The following TMEM185A variants were observed in gnomAD, a reference collection of about 807,000 sequenced individuals.
TMEM185A encodes family with sequence similarity 11, member A.
TMEM185A carries 9 observed loss-of-function variants against 25.0 expected under a neutral mutation model. The ratio of observed to expected loss-of-function variants is 0.36; its 90% CI spans 0.22 to 0.63. The LOEUF (loss-of-function observed/expected upper bound fraction) is 0.63, where lower values mean the gene tolerates loss of function less well. TMEM185A is among the 20% of genes least tolerant of loss of function. The pLI is 0.68. For synonymous variants in TMEM185A, 45 were observed against 93.5 expected (o/e 0.48, Z 2.99); for missense variants, 103 against 237.4 (o/e 0.43, Z 3.72).
At chrX:149,607,789 G>C (rs1213387999) in intron 3 of TMEM185A, among the ~76,000 whole-genome samples, 1 of 111,870 alleles carries the variant, frequency 8.9e-6, no homozygotes, top group Non-Finnish European at 1.9e-5. Flanking sequence ...TCAGTTTTGA[G>C]TGTCAACTTG....
At position 149,608,913 on chromosome X, in the gene TMEM185A, C is replaced by T. The variant is rs144782295; in HGVS notation, c.216-79G>A. 1,817 of 854,394 alleles carry T rather than the reference C, an allele frequency of 2.1e-3. 25 individuals are homozygous for T. The African/African-American group carries it at 0.034, about 16-fold the overall frequency. The allele number at this position is 854,394 out of a possible 1,213,427, so 70.4% of individuals were successfully genotyped here. On this transcript the variant is annotated intron_variant, in intron 2 of 6. Coordinates refer to ENST00000600449, the MANE Select transcript of TMEM185A (RefSeq NM_032508.4). Reference sequence around the variant, plus strand: ...GCAAGCAGTTCAGGGCAAATACCAACTTATATTTATACTTTGAATTTTACT... The same window carrying T: ...GCAAGCAGTTCAGGGCAAATACCAATTTATATTTATACTTTGAATTTTACT...
chrX:149,618,713 T>C (rs1364575120), intron 1 of TMEM185A, among the ~76,000 whole-genome samples: 1 of 111,964 alleles, frequency 8.9e-6, no homozygotes, highest in African/African-American at 3.2e-5. Context: ...TCAAAAAATA[T>C]CTACTCTTCG....
At chrX:149,626,658 C>T (rs1188499422) in intron 1 of TMEM185A, among the ~76,000 whole-genome samples, 2 of 112,353 alleles carry the variant, frequency 1.8e-5, no homozygotes, top group Admixed American at 9.3e-5. Flanking sequence ...ACGGAGGACC[C>T]GCACCAGCGC....
At chrX:149,617,963 GAAAGGGCA>G (rs782088554) in intron 1 of TMEM185A, among the ~76,000 whole-genome samples, 1 of 111,876 alleles carries the variant, frequency 8.9e-6, no homozygotes, top group South Asian at 3.8e-4. Flanking sequence ...TGACATTCTG[GAAAGGGCA>G]AAACTCTAGA....
chrX:149,627,763 G>A (rs782618466), intron 1 of TMEM185A, among the ~76,000 whole-genome samples: 15 of 112,035 alleles, frequency 1.3e-4, no homozygotes, highest in Admixed American at 4.7e-4. Flanking sequence ...CTAGGCTTAC[G>A]CATTGAGAGG....
At position 149,631,738 on chromosome X, in the gene TMEM185A, C is replaced by CCGT. The variant is rs1371008130; in HGVS notation, c.-159_-158insACG. On this transcript the variant is annotated 5_prime_UTR_variant, in exon 1 of 7. Coordinates refer to ENST00000600449, the MANE Select transcript of TMEM185A (RefSeq NM_032508.4). ...CCCGCTGCCGTCGCCGTCGCCGTCGCCGCCGCCGCCGCCGCCGCCGCCGCC... is the reference window on the plus strand; with the variant it reads ...CCCGCTGCCGTCGCCGTCGCCGTCGCCGTCGCCGCCGCCGCCGCCGCCGCCGCC... 4.5e-3 allele frequency: 60 copies of CCGT among 13,276 alleles called. No homozygotes were observed. The highest frequency in any genetic ancestry group is 8.4e-3 in the African/African-American group (4 of 475). The allele number at this position is 13,276 out of a possible 1,213,427, so 1.1% of individuals were successfully genotyped here. A position where few individuals can be genotyped will look rare whatever the true frequency, so the allele number is the denominator to read the frequency against.
chrX:149,624,406 A>T (rs1286792923), intron 1 of TMEM185A, among the ~76,000 whole-genome samples: 3 of 112,249 alleles, frequency 2.7e-5, no homozygotes, highest in Non-Finnish European at 5.6e-5. Context: ...AGGAATGATG[A>T]CTCTGAATGT....
intron 3 of TMEM185A, among the ~76,000 whole-genome samples, chrX:149,604,899 G>C (rs901776384): frequency 3.6e-5 from 4 of 111,241 alleles, no homozygotes; most frequent in Non-Finnish European, 7.5e-5. Flanking sequence ...CCACCATACA[G>C]TCTTGGAGCC....
intron 1 of TMEM185A, among the ~76,000 whole-genome samples, chrX:149,629,014 G>T (rs1298213843): frequency 1.8e-5 from 2 of 111,957 alleles, no homozygotes; most frequent in Non-Finnish European, 3.8e-5. Context: ...AAAGTTTAGT[G>T]GGGGAGGCAG....
At position 149,631,718 on chromosome X, in the gene TMEM185A, T is replaced by TGCCGTC. The variant is rs1249418430; in HGVS notation, c.-144_-139dup. 5.8e-3 allele frequency: 3,455 copies of TGCCGTC among 592,920 alleles called. 53 individuals are homozygous for TGCCGTC. The highest frequency in any genetic ancestry group is 5.7e-3 in the Non-Finnish European group (2,495 of 436,503). The allele number at this position is 592,920 out of a possible 1,213,427, so 48.9% of individuals were successfully genotyped here. ...CTCCCGCTACTGCTGCCGTCCCCGCTGCCGTCGCCGTCGCCGTCGCCGCCG... is the reference window on the plus strand; with the variant it reads ...CTCCCGCTACTGCTGCCGTCCCCGCTGCCGTCGCCGTCGCCGTCGCCGTCGCCGCCG... On this transcript the variant is annotated 5_prime_UTR_variant, in exon 1 of 7. Coordinates refer to ENST00000600449, the MANE Select transcript of TMEM185A (RefSeq NM_032508.4).
chrX:149,607,978 T>C (rs1569560978), intron 3 of TMEM185A, among the ~76,000 whole-genome samples: 1 of 112,082 alleles, frequency 8.9e-6, no homozygotes. Context: ...GTGCCAGGAC[T>C]GCAGTGTCAA....
chrX:149,618,103 T>C (rs2090119815), intron 1 of TMEM185A, among the ~76,000 whole-genome samples: 1 of 111,380 alleles, frequency 9.0e-6, no homozygotes. Context: ...TCTAATTGAG[T>C]ATTATACTAT....
rs868972683 is a variant in TMEM185A, at chrX:149,631,543, C to T, written c.38G>A (p.Ser13Asn). The T allele has an allele frequency of 8.6e-7, 1 of 1,167,646 alleles. No individual in the cohort carries two copies. The highest frequency in any genetic ancestry group is 3.3e-5 in the East Asian group (1 of 30,652). ...LRGLFQDFNP[S>N]KFLIYACLLL... ...GGGGGCGCCAACGACGCCGCCTCAC[C>T]TCGGGTTGAAGTCCTGGAAGAGGCC... Residue 13 changes from serine to asparagine, a missense_variant and splice_region_variant, in exon 1 of 7, where the codon AGT (serine) becomes AAT (asparagine). Physicochemically the swap from Ser to Asn is conservative, Grantham distance 46 (BLOSUM62 1). Around this residue, in one of 2 missense-constraint regions of TMEM185A, gnomAD observed 102 missense variants for 125.7 expected, o/e 0.81. Coordinates refer to ENST00000600449, the MANE Select transcript of TMEM185A (RefSeq NM_032508.4).
intron 3 of TMEM185A, among the ~76,000 whole-genome samples, chrX:149,604,312 C>A (rs1225678049): frequency 8.9e-6 from 1 of 112,603 alleles, no homozygotes; most frequent in Non-Finnish European, 1.9e-5. Context: ...GGCCTGAGGC[C>A]TGAGCACAGA....
chrX:149,607,422 G>A (rs1557353708), intron 3 of TMEM185A, among the ~76,000 whole-genome samples: 1 of 112,195 alleles, frequency 8.9e-6, no homozygotes, highest in African/African-American at 3.2e-5. Flanking sequence ...TGACTCAAAC[G>A]GAATCCTGGT....
chrX:149,605,871 A>G (rs782411506), intron 3 of TMEM185A, among the ~76,000 whole-genome samples: 47 of 111,564 alleles, frequency 4.2e-4, no homozygotes, highest in Non-Finnish European at 8.9e-4. Context: ...CTTGCCCACA[A>G]AATTGAAATC....
Position 149,631,676 on chromosome X carries a change from C to A in TMEM185A, c.-96G>T. 1 of 889,504 alleles carries A rather than the reference C, an allele frequency of 1.1e-6. No homozygotes were observed. Among genetic ancestry groups the A allele is most frequent in the Non-Finnish European group, 1.5e-6 (1 of 658,781 alleles). 73.3% of individuals were successfully genotyped at this position (889,504 alleles called of 1,213,427 possible). ...AGCGGGTTCATGGCGCCAGCGCCAG[C>A]CGCGTCCACGCTGCTGCTCCCGCTA... On this transcript the variant is annotated 5_prime_UTR_variant, in exon 1 of 7. Coordinates refer to ENST00000600449, the MANE Select transcript of TMEM185A (RefSeq NM_032508.4).
intron 1 of TMEM185A, among the ~76,000 whole-genome samples, chrX:149,622,173 A>G (rs2090142554): frequency 8.9e-6 from 1 of 112,703 alleles, no homozygotes; most frequent in Non-Finnish European, 1.9e-5. Flanking sequence ...TGAAGACAAG[A>G]GCAACAATTT....
chrX:149,626,929 G>T (rs782427328), intron 1 of TMEM185A, among the ~76,000 whole-genome samples: 57 of 112,261 alleles, frequency 5.1e-4, no homozygotes, highest in African/African-American at 1.8e-3. Context: ...CCAGCCACAG[G>T]GTGGTTTTCT....
Sources: gnomAD v4.1 joint callset for allele counts (sites outside exome capture counted in the v4.1 genomes callset) on GRCh38, gnomAD v4.1.1 for gene constraint, gnomAD v4.1.1 regional missense constraint, MANE v1.5 for transcripts, NCBI Gene and HGNC (gene_info 2026-07-23, HGNC 2026-07-21) for gene names.